RICTOR: variants seen among roughly 807,000 people sequenced by gnomAD.
RICTOR encodes the protein rapamycin-insensitive companion of mTOR.
RICTOR carries 49 observed loss-of-function variants against 214.9 expected under a neutral mutation model. That is an observed-to-expected ratio of 0.23 (90% CI 0.18 to 0.29). RICTOR has a LOEUF of 0.29. Among genes scored for constraint, RICTOR ranks in the 10% least tolerant of loss-of-function variants. RICTOR has a pLI of 1.00. For missense variants in RICTOR, 1,625 were observed against 2,047.0 expected, an observed-to-expected ratio of 0.79 and a Z score of 3.98; for synonymous variants, 717 against 711.3, an observed-to-expected ratio of 1.01 and a Z score of -0.13.
intron 2 of RICTOR, among the ~76,000 whole-genome samples, chr5:39,070,449 C>G (rs1044848675): frequency 7.2e-5 from 11 of 151,930 alleles, no homozygotes; most frequent in African/African-American, 2.7e-4. Flanking sequence ...GCAGTCCGGC[C>G]TGGGCGACAG....
intron 2 of RICTOR, among the ~76,000 whole-genome samples, chr5:39,071,957 A>G (rs186196331): frequency 6.6e-6 from 1 of 152,324 alleles, no homozygotes; most frequent in East Asian, 1.9e-4. Flanking sequence ...TCAAATTATT[A>G]CTAAACTTTA....
intron 2 of RICTOR, among the ~76,000 whole-genome samples, chr5:39,045,969 T>A (rs982853716): frequency 6.6e-6 from 1 of 151,824 alleles, no homozygotes; most frequent in African/African-American, 2.4e-5. Flanking sequence ...AGTATTTTTA[T>A]CATTAGTTAT....
At chr5:39,015,402 T>C (rs1037186376) in intron 3 of RICTOR, among the ~76,000 whole-genome samples, 4 of 152,106 alleles carry the variant, frequency 2.6e-5, no homozygotes, top group African/African-American at 9.7e-5. Flanking sequence ...GTGCTGCATA[T>C]TTGAATAAAT....
intron 26 of RICTOR, 107 bp downstream of exon 26, chr5:38,955,488 A>G (rs1458185705): frequency 1.2e-5 from 8 of 688,086 alleles, no homozygotes; most frequent in African/African-American, 1.8e-5. Flanking sequence ...AATGCTGCGC[A>G]TTAAGATTCT....
chr5:39,055,654 T>C (rs569117846), intron 2 of RICTOR, among the ~76,000 whole-genome samples: 38 of 152,212 alleles, frequency 2.5e-4, no homozygotes, highest in African/African-American at 8.2e-4. Context: ...GACATGTGAA[T>C]AAAATTATGC....
chr5:38,955,192 C>T (rs1312722722), intron 26 of RICTOR, among the ~76,000 whole-genome samples: 5 of 151,850 alleles, frequency 3.3e-5, no homozygotes, highest in East Asian at 1.9e-4. Context: ...GTGTATAAGG[C>T]GTATATGAAA....
At chr5:39,016,199 T>C (rs1754927537) in intron 3 of RICTOR, among the ~76,000 whole-genome samples, 1 of 151,958 alleles carries the variant, frequency 6.6e-6, no homozygotes, top group African/African-American at 2.4e-5. Flanking sequence ...TGAAAATCAT[T>C]TTAAAAAGGA....
At chr5:38,959,661 G>A in intron 21 of RICTOR, 118 bp downstream of exon 21, 1 of 652,260 alleles carries the variant, frequency 1.5e-6, no homozygotes, top group Non-Finnish European at 2.6e-6. Context: ...CAAAGATAAT[G>A]CTAATTTAAA....
intron 19 of RICTOR, among the ~76,000 whole-genome samples, chr5:38,962,042 A>G (rs568678912): frequency 1.3e-5 from 2 of 152,202 alleles, no homozygotes; most frequent in South Asian, 4.1e-4. Context: ...CCCACTATAC[A>G]ATTGATACTA....
At chr5:39,069,889 C>T (rs192481356) in intron 2 of RICTOR, among the ~76,000 whole-genome samples, 1 of 152,190 alleles carries the variant, frequency 6.6e-6, no homozygotes, top group African/African-American at 2.4e-5. Flanking sequence ...TTCTCTGATC[C>T]TTTTACCCAC....
rs567023448 is a variant in RICTOR, at chr5:39,069,501, C to T, written c.97+4610G>A. Among the ~76,000 whole-genome samples the T allele has an allele frequency of 2.0e-5, 3 of 152,220 alleles. No homozygotes were observed. In the South Asian group the frequency reaches 6.2e-4, roughly 32 times the overall value. ...TTACCCTTGGAAAAGAATAGCAACG[C>T]TTTATTCTTTGAATCAGGGTAAAGA... On this transcript the variant is annotated intron_variant, in intron 2 of 37. Coordinates refer to ENST00000357387, the MANE Select transcript of RICTOR (RefSeq NM_152756.5).
chr5:38,962,810 A>T, intron 17 of RICTOR, 66 bp downstream of exon 17: 1 of 1,368,118 alleles, frequency 7.3e-7, no homozygotes. Context: ...CATGCATACT[A>T]AAATCCAGTG....
At chr5:38,974,062 T>C (rs1327276674) in intron 10 of RICTOR, among the ~76,000 whole-genome samples, 15 of 151,260 alleles carry the variant, frequency 9.9e-5, no homozygotes, top group Admixed American at 9.2e-4. Flanking sequence ...TTCTTTCTTT[T>C]TTTTTGAGAC....
In RICTOR at chr5:39,056,418, T is replaced by G. The variant is rs1758209547; in HGVS notation, c.97+17693A>C. Among the ~76,000 whole-genome samples, 3 of 152,104 alleles carry G rather than the reference T, an allele frequency of 2.0e-5. No homozygotes were observed. The South Asian group carries it at 6.2e-4, about 31-fold the overall frequency. Reference sequence around the variant, plus strand: ...GGGGGGCCAAGACAGATGGATCGCTTGAGCCCACGATTCAAGACAAGCCTG... The same window carrying G: ...GGGGGGCCAAGACAGATGGATCGCTGGAGCCCACGATTCAAGACAAGCCTG... On this transcript the variant is annotated intron_variant, in intron 2 of 37. Transcript: ENST00000357387.
At position 38,964,945 on chromosome 5, in the gene RICTOR, T is replaced by C; in HGVS notation, c.1300-53A>G. 3.8e-6 allele frequency: 4 copies of C among 1,054,276 alleles called. No individual in the cohort carries two copies. In the South Asian group the frequency reaches 5.4e-5, roughly 14 times the overall value. The allele number at this position is 1,054,276 out of a possible 1,614,324, so 65.3% of individuals were successfully genotyped here. On this transcript the variant is annotated intron_variant, in intron 15 of 37. Coordinates refer to ENST00000357387, the MANE Select transcript of RICTOR (RefSeq NM_152756.5). ...AGTTTTCAGAAGTAGAAAGAGTTTA[T>C]GTCACAGATTACCTGCACATATAAT...
chr5:38,993,066 G>A (rs1752905500), intron 6 of RICTOR, among the ~76,000 whole-genome samples: 1 of 152,154 alleles, frequency 6.6e-6, no homozygotes, highest in Non-Finnish European at 1.5e-5. Flanking sequence ...GCCTACACAT[G>A]GTGGCAAAAG....
chr5:38,980,559 A>C (rs1337270028), intron 8 of RICTOR, among the ~76,000 whole-genome samples: 1 of 152,146 alleles, frequency 6.6e-6, no homozygotes, highest in Admixed American at 6.6e-5. Flanking sequence ...ATAAAAACTC[A>C]GCTGGCTGGG....
At chr5:39,008,383 T>A (rs1259595660) in intron 3 of RICTOR, among the ~76,000 whole-genome samples, 1 of 152,094 alleles carries the variant, frequency 6.6e-6, no homozygotes, top group Non-Finnish European at 1.5e-5. Context: ...TGGTAGTACT[T>A]CTGTAAATGA....
At chr5:38,967,280 T>A (rs1245356700) in intron 13 of RICTOR, 53 bp from the exon 14 acceptor site, 2 of 1,594,256 alleles carry the variant, frequency 1.3e-6, no homozygotes, top group East Asian at 4.5e-5. Context: ...GATTACACAG[T>A]CTAACATAAA....
Sources: gnomAD v4.1 joint callset for allele counts (sites outside exome capture counted in the v4.1 genomes callset) on GRCh38, gnomAD v4.1.1 for gene constraint, MANE v1.5 for transcripts, NCBI Gene and HGNC (gene_info 2026-07-23, HGNC 2026-07-21) for gene names.